Variants in TPT1 observed in about 807,000 individuals in gnomAD.
TPT1 encodes tumor protein, translationally-controlled 1, also known as translationally-controlled tumor protein.
A neutral mutation model predicts 22.8 loss-of-function variants in TPT1; 5 were observed. That is an observed-to-expected ratio of 0.22 (90% CI 0.11 to 0.46). TPT1 has a LOEUF of 0.46. Among genes scored for constraint, TPT1 ranks in the 20% least tolerant of loss-of-function variants. TPT1 has a pLI of 0.99. For synonymous variants in TPT1, 89 were observed against 73.6 expected (o/e 1.21, Z -1.07); for missense variants, 130 against 218.7 (o/e 0.59, Z 2.56).
chr13:45,340,865 C>A, intron 1 of TPT1, 80 bp from the exon 2 acceptor site: 1 of 1,457,616 alleles, frequency 6.9e-7, no homozygotes, highest in Non-Finnish European at 9.1e-7. Flanking sequence ...CGGCCGCACG[C>A]GGGATCTGCC....
intron 4 of TPT1, 182 bp from the exon 5 acceptor site, chr13:45,338,958 A>G: frequency 2.0e-6 from 1 of 499,038 alleles, no homozygotes. Context: ...CTTAATAGTG[A>G]CCTAAATAGA....
rs1169828349 is a variant in TPT1 at position 45,341,134 on chromosome 13, G to A, written c.-65C>T. 37 of 1,598,426 alleles carry A rather than the reference G, an allele frequency of 2.3e-5. No individual in the cohort carries two copies. Among genetic ancestry groups the A allele is most frequent in the South Asian group, 1.0e-4 (9 of 89,272 alleles). Reference sequence around the variant, plus strand: ...CACGAGCCTGAAACTCGGAGCGAGCGCGGTGCAGCCGGAGCGGCGCTCGGG... The same window carrying A: ...CACGAGCCTGAAACTCGGAGCGAGCACGGTGCAGCCGGAGCGGCGCTCGGG... On this transcript the variant is annotated 5_prime_UTR_variant, in exon 1 of 6. Transcript: ENST00000530705.
Position 45,340,200 on chromosome 13 carries a change from G to C in TPT1, c.103-16C>G, listed in dbSNP as rs372574381. 1.2e-6 allele frequency: 2 copies of C among 1,602,240 alleles called. No individual in the cohort carries two copies. Among genetic ancestry groups the C allele is most frequent in the Non-Finnish European group, 1.7e-6 (2 of 1,173,256 alleles). On this transcript the variant is annotated splice_polypyrimidine_tract_variant and intron_variant, in intron 2 of 5. Transcript: ENST00000530705. ...TACTGACCATCTGCATTAAGAAAAA[G>C]CAGTATAATTGCAAAAGACACAAAC...
rs1406194978 is a variant in TPT1, at chr13:45,334,500, C to G, written c.*2886G>C. 6.6e-6 allele frequency: 1 copy of G among 152,192 alleles called. No individual in the cohort carries two copies. The highest frequency in any genetic ancestry group is 1.5e-5 in the Non-Finnish European group (1 of 68,054). 9.4% of individuals were successfully genotyped at this position (152,192 alleles called of 1,614,324 possible). ...CTTAACACATCCAAAACTAACAAAA[C>G]TAAACTCGACTTCCCACCTCAGTGC... On this transcript the variant is annotated 3_prime_UTR_variant, in exon 6 of 6. Transcript: ENST00000530705.
At position 45,338,440 on chromosome 13, in the gene TPT1, C is replaced by T. The variant is rs572102547; in HGVS notation, c.516+220G>A. On this transcript the variant is annotated intron_variant, in intron 5 of 5. Transcript: ENST00000530705. Reference sequence around the variant, plus strand: ...AGCCTAAACTGTACTTTATTATGCCCCATCTGCACTCAACGTTTTCCACAA... The same window carrying T: ...AGCCTAAACTGTACTTTATTATGCCTCATCTGCACTCAACGTTTTCCACAA... The T allele has an allele frequency of 5.8e-6, 5 of 865,482 alleles. No individual in the cohort carries two copies. The South Asian group carries it at 1.0e-4, about 18-fold the overall frequency. The allele number at this position is 865,482 out of a possible 1,614,324, so 53.6% of individuals were successfully genotyped here.
At position 45,337,154 on chromosome 13, in the gene TPT1, A is replaced by G; in HGVS notation, c.*232T>C. 1 of 588,356 alleles carries G rather than the reference A, an allele frequency of 1.7e-6. No homozygotes were observed. The highest frequency in any genetic ancestry group is 3.0e-6 in the Non-Finnish European group (1 of 331,756). 36.4% of individuals were successfully genotyped at this position (588,356 alleles called of 1,614,324 possible). A position where few individuals can be genotyped will look rare whatever the true frequency, so the allele number is the denominator to read the frequency against. On this transcript the variant is annotated 3_prime_UTR_variant, in exon 6 of 6. Transcript: ENST00000530705. ...GATCAATTTAGTTTAAATATGCATT[A>G]AACTAAAAGGCATTCTCTCAAATGA...
chr13:45,338,923 A>C, intron 4 of TPT1, 147 bp from the exon 5 acceptor site: 1 of 613,710 alleles, frequency 1.6e-6, no homozygotes, highest in Non-Finnish European at 2.7e-6. Flanking sequence ...CTTATCATAG[A>C]CATCTGTTCA....
At chr13:45,340,941 C>G in intron 1 of TPT1, 101 bp downstream of exon 1, 1 of 1,541,378 alleles carries the variant, frequency 6.5e-7, no homozygotes. Context: ...CGGCTAAGAC[C>G]GCCGGCGTCC....
At position 45,339,769 on chromosome 13, in the gene TPT1, T is replaced by C. The variant is rs889390377; in HGVS notation, c.294-167A>G. 8 of 760,336 alleles carry C rather than the reference T, an allele frequency of 1.1e-5. No homozygotes were observed. In the Admixed American group the frequency reaches 2.1e-4, roughly 20 times the overall value. 47.1% of individuals were successfully genotyped at this position (760,336 alleles called of 1,614,324 possible). A position where few individuals can be genotyped will look rare whatever the true frequency, so the allele number is the denominator to read the frequency against. ...ATCTTTCAAGAATGTTTACATTTCT[T>C]GTTGACTATTTTCAAAATACTATTC... is the stretch of plus-strand genomic sequence containing the variant. On this transcript the variant is annotated intron_variant, in intron 3 of 5. Transcript: ENST00000530705.
chr13:45,338,590 A>G (rs1049541912), intron 5 of TPT1, 70 bp downstream of exon 5: 7 of 1,575,902 alleles, frequency 4.4e-6, no homozygotes, highest in African/African-American at 4.1e-5. Flanking sequence ...CAGTGTCACA[A>G]AACAATTGCA....
At position 45,334,957 on chromosome 13, in the gene TPT1, C is replaced by T. The variant is rs142970601; in HGVS notation, c.*2429G>A. On this transcript the variant is annotated 3_prime_UTR_variant, in exon 6 of 6. Coordinates refer to ENST00000530705, the MANE Select transcript of TPT1 (RefSeq NM_003295.4). The stretch of plus-strand genomic sequence containing the variant: ...GATATCCACATGGCCTACTTCCACA[C>T]CTTCATTTGTTTTCAAATGTCACAT... 1.3e-5 allele frequency: 2 copies of T among 152,342 alleles called. No homozygotes were observed. The highest frequency in any genetic ancestry group is 2.4e-5 in the African/African-American group (1 of 41,558). 9.4% of individuals were successfully genotyped at this position (152,342 alleles called of 1,614,324 possible). A position where few individuals can be genotyped will look rare whatever the true frequency, so the allele number is the denominator to read the frequency against.
At chr13:45,337,717 T>G in intron 5 of TPT1, 1 of 689,014 alleles carries the variant, frequency 1.5e-6, no homozygotes, top group South Asian at 1.7e-5. Flanking sequence ...GAATAACCCC[T>G]TTGGTAAGTC....
At chr13:45,340,291 T>C in intron 2 of TPT1, 107 bp from the exon 3 acceptor site, 1 of 1,368,652 alleles carries the variant, frequency 7.3e-7, no homozygotes, top group Non-Finnish European at 1.0e-6. Flanking sequence ...TTGCTGAAAA[T>C]AAAAAAAGCA....
At position 45,334,675 on chromosome 13, in the gene TPT1, AT is replaced by A. The variant is rs1878562650; in HGVS notation, c.*2710del. 6.6e-6 allele frequency: 1 copy of A among 152,186 alleles called. No individual in the cohort carries two copies. The highest frequency in any genetic ancestry group is 2.4e-5 in the African/African-American group (1 of 41,438). The allele number at this position is 152,186 out of a possible 1,614,324, so 9.4% of individuals were successfully genotyped here. ...GCCACTATCTTTGCCTTAAAAACAC[AT>A]TATACACAATTATTCTATGCTTTTA... On this transcript the variant is annotated 3_prime_UTR_variant, in exon 6 of 6. Coordinates refer to ENST00000530705, the MANE Select transcript of TPT1 (RefSeq NM_003295.4).
intron 4 of TPT1, 64 bp from the exon 5 acceptor site, chr13:45,338,840 A>C (rs1043162695): frequency 7.4e-7 from 1 of 1,355,636 alleles, no homozygotes; most frequent in Non-Finnish European, 1.0e-6. Context: ...CATTCAAAAC[A>C]AACTACAGTA....
In TPT1 at chr13:45,337,319, T is replaced by A; in HGVS notation, c.*67A>T. 1 of 1,472,928 alleles carries A rather than the reference T, an allele frequency of 6.8e-7. No individual in the cohort carries two copies. The highest frequency in any genetic ancestry group is 9.5e-7 in the Non-Finnish European group (1 of 1,052,562). 91.2% of individuals were successfully genotyped at this position (1,472,928 alleles called of 1,614,324 possible). ...TCCCATTTGTCTTAAGTCCTGGTGT[T>A]GTGTGGATGACAAGCAGAAGCCAGT... On this transcript the variant is annotated 3_prime_UTR_variant, in exon 6 of 6. Transcript: ENST00000530705.
chr13:45,337,909 A>G (rs1267968696), intron 5 of TPT1, among the ~76,000 whole-genome samples: 3 of 152,304 alleles, frequency 2.0e-5, no homozygotes, highest in Admixed American at 2.0e-4. Flanking sequence ...ATTATTAGTA[A>G]AACAATTTGC....
At chr13:45,337,410 T>C (rs771468031) in intron 5 of TPT1, 22 bp from the exon 6 acceptor site, 1 of 1,614,100 alleles carries the variant, frequency 6.2e-7, no homozygotes, top group South Asian at 1.1e-5. Flanking sequence ...AAAACTACAT[T>C]AATATTTTTC....
At position 45,339,994 on chromosome 13, in the gene TPT1, G is replaced by A. The variant is rs371836510; in HGVS notation, c.293C>T (p.Ser98Leu). 1.2e-6 allele frequency: 2 copies of A among 1,613,850 alleles called. No homozygotes were observed. Among genetic ancestry groups the A allele is most frequent in the Non-Finnish European group, 1.7e-6 (2 of 1,179,838 alleles). ...GCTAGGTACTGCCAGTATCACTTAC[G>A]ATTTCATGTAATCTTTGATGTACTT... ...YKKYIKDYMK[S>L]IKGKLEEQRP... Residue 98 changes from serine (S) to leucine (L), a missense_variant and splice_region_variant, in exon 3 of 6, where the codon TCA becomes TTA. Physicochemically the swap from Ser to Leu is moderately radical, Grantham distance 145. Coordinates refer to ENST00000530705, the MANE Select transcript of TPT1 (RefSeq NM_003295.4).
Sources: gnomAD v4.1 joint callset for allele counts (sites outside exome capture counted in the v4.1 genomes callset) on GRCh38, gnomAD v4.1.1 for gene constraint, MANE v1.5 for transcripts, NCBI Gene and HGNC (gene_info 2026-07-23, HGNC 2026-07-21) for gene names.